The following CLVS2 variants were observed in gnomAD, a reference collection of about 807,000 sequenced individuals.
The protein encoded by CLVS2 is clavesin-2.
CLVS2 carries 19 observed loss-of-function variants against 29.0 expected under a neutral mutation model. That is an observed-to-expected ratio of 0.66 (90% CI 0.46 to 0.96). CLVS2 has a LOEUF of 0.96. Ranked by LOEUF, CLVS2 falls within the 40% of genes least tolerant of loss-of-function variation. The pLI, the probability that CLVS2 is intolerant of heterozygous loss-of-function variation, is 0.00. For synonymous variants in CLVS2, 161 were observed against 151.3 expected (o/e 1.06, Z -0.47); for missense variants, 294 against 404.1 (o/e 0.73, Z 2.34).
chr6:123,029,502 G>A (rs912482612), intron 3 of CLVS2, among the ~76,000 whole-genome samples: 1 of 152,202 alleles, frequency 6.6e-6, no homozygotes, highest in African/African-American at 2.4e-5. Context: ...TATACATGAT[G>A]CATTTGGGTA....
At chr6:123,062,197 G>T (rs1050099363) in intron 5 of CLVS2, among the ~76,000 whole-genome samples, 1 of 152,246 alleles carries the variant, frequency 6.6e-6, no homozygotes, top group Admixed American at 6.5e-5. Flanking sequence ...TCATCTGAGA[G>T]CCAATTTGCT....
chr6:123,034,397 AG>A (rs1173633444), intron 3 of CLVS2, among the ~76,000 whole-genome samples: 1 of 152,198 alleles, frequency 6.6e-6, no homozygotes, highest in Non-Finnish European at 1.5e-5. Context: ...CAAATAAAAA[AG>A]CTATTGATAC....
At chr6:123,029,283 A>T (rs1368094132) in intron 3 of CLVS2, among the ~76,000 whole-genome samples, 1 of 152,260 alleles carries the variant, frequency 6.6e-6, no homozygotes, top group African/African-American at 2.4e-5. Context: ...GTATCTCATT[A>T]AAAAGCTAAA....
intron 4 of CLVS2, among the ~76,000 whole-genome samples, chr6:123,054,613 ATG>A (rs758475634): frequency 7.2e-5 from 11 of 152,214 alleles, no homozygotes; most frequent in Non-Finnish European, 1.2e-4. Context: ...GCAAATATGA[ATG>A]TGTTAGCTTA....
intron 3 of CLVS2, among the ~76,000 whole-genome samples, chr6:123,037,581 C>T (rs922354933): frequency 2.6e-5 from 4 of 152,072 alleles, no homozygotes; most frequent in African/African-American, 9.7e-5. Flanking sequence ...CCTTATTCCA[C>T]TCATATCTCC....
intron 2 of CLVS2, among the ~76,000 whole-genome samples, chr6:123,002,139 C>T (rs1774597475): frequency 6.6e-6 from 1 of 152,134 alleles, no homozygotes; most frequent in Admixed American, 6.5e-5. Flanking sequence ...AGTTAATGGC[C>T]ATTCGAAAAC....
At chr6:123,063,284 T>A (rs1198165357) in intron 5 of CLVS2, among the ~76,000 whole-genome samples, 1 of 152,180 alleles carries the variant, frequency 6.6e-6, no homozygotes, top group African/African-American at 2.4e-5. Flanking sequence ...TTCTATTTAG[T>A]TTATCATAAT....
intron 3 of CLVS2, among the ~76,000 whole-genome samples, chr6:123,029,921 G>A (rs1775059211): frequency 1.3e-5 from 2 of 152,178 alleles, no homozygotes; most frequent in African/African-American, 2.4e-5. Flanking sequence ...CAAGAGCATG[G>A]TGTGACCAGT....
At chr6:123,009,787 T>G (rs1375395377) in intron 2 of CLVS2, among the ~76,000 whole-genome samples, 1 of 152,128 alleles carries the variant, frequency 6.6e-6, no homozygotes, top group Non-Finnish European at 1.5e-5. Context: ...AGTGCTGAGA[T>G]TTCTAGGGAT....
intron 1 of CLVS2, 148 bp downstream of exon 1, chr6:122,996,894 C>T (rs1774517461): frequency 2.0e-5 from 3 of 152,380 alleles, no homozygotes; most frequent in Admixed American, 6.5e-5. Context: ...CCTCCCTCCC[C>T]CTCCCCCCTT....
chr6:123,053,528 T>G (rs1772646351), intron 4 of CLVS2, among the ~76,000 whole-genome samples: 1 of 152,208 alleles, frequency 6.6e-6, no homozygotes, highest in Non-Finnish European at 1.5e-5. Flanking sequence ...AATTGGATAC[T>G]GAATTTAGCA....
intron 3 of CLVS2, among the ~76,000 whole-genome samples, chr6:123,020,291 C>A (rs539087338): frequency 6.6e-6 from 1 of 152,182 alleles, no homozygotes; most frequent in African/African-American, 2.4e-5. Flanking sequence ...AACCCAAGAT[C>A]TGAAATGTTT....
intron 3 of CLVS2, among the ~76,000 whole-genome samples, chr6:123,036,677 C>T (rs577772693): frequency 5.3e-5 from 8 of 152,316 alleles, no homozygotes; most frequent in South Asian, 4.1e-4. Context: ...TAGAGTTCCT[C>T]ATCAGCACTT....
Position 123,072,414 on chromosome 6 carries a change from C to T in CLVS2, c.*8653C>T, listed in dbSNP as rs190090960. ...AACCAATATAGATTATGTTTCTTGT[C>T]AGTTACACAAGGATAGGTAATCAGG... On this transcript the variant is annotated 3_prime_UTR_variant, in exon 6 of 6. Coordinates refer to ENST00000275162, the MANE Select transcript of CLVS2 (RefSeq NM_001010852.4). 1 of 152,124 alleles carries T rather than the reference C, an allele frequency of 6.6e-6. No homozygotes were observed. The highest frequency in any genetic ancestry group is 2.4e-5 in the African/African-American group (1 of 41,538). 9.4% of individuals were successfully genotyped at this position (152,124 alleles called of 1,614,324 possible). A position where few individuals can be genotyped will look rare whatever the true frequency, so the allele number is the denominator to read the frequency against.
In CLVS2 at chr6:123,063,837, G is replaced by A; in HGVS notation, c.*76G>A. On this transcript the variant is annotated 3_prime_UTR_variant, in exon 6 of 6. Coordinates refer to ENST00000275162, the MANE Select transcript of CLVS2 (RefSeq NM_001010852.4). Reference sequence around the variant, plus strand: ...CAGCAACAGGGACAACACTGTAGAGGAATTACCAGCTGGAAACCGACTTAT... The same window carrying A: ...CAGCAACAGGGACAACACTGTAGAGAAATTACCAGCTGGAAACCGACTTAT... The A allele has an allele frequency of 1.0e-6, 1 of 982,208 alleles. No individual in the cohort carries two copies. Among genetic ancestry groups the A allele is most frequent in the South Asian group, 1.4e-5 (1 of 71,332 alleles). 60.8% of individuals were successfully genotyped at this position (982,208 alleles called of 1,614,324 possible).
Position 123,056,023 on chromosome 6 carries a change from A to C in CLVS2, c.893A>C (p.Lys298Thr), listed in dbSNP as rs1225432974. The part of the protein sequence containing the change: ...VEKELSPKSM[K>T]RSQSVVDPTV... ...AAGGAACTCTCCCCAAAGTCCATGA[A>C]GAGGTATGCTGGAGGTAGACTGGGG... The change falls in exon 5 of 6, where the codon AAG (lysine) becomes ACG (threonine). Residue 298 changes from lysine to threonine, a missense_variant. Physicochemically the swap from Lys to Thr is moderately conservative, Grantham distance 78. This residue lies in a region of CLVS2 where 82 missense variants were observed against 67.8 expected (regional missense o/e 1.21). Coordinates refer to ENST00000275162, the MANE Select transcript of CLVS2 (RefSeq NM_001010852.4). 6.2e-7 allele frequency: 1 copy of C among 1,610,012 alleles called. No homozygotes were observed. Among genetic ancestry groups the C allele is most frequent in the Admixed American group, 1.7e-5 (1 of 59,680 alleles).
Position 123,063,936 on chromosome 6 carries a change from G to A in CLVS2, c.*175G>A, listed in dbSNP as rs944371976. ...CCTGAACCATGGGGGCCCTGGGCTGGATTTTTAAAATGTCAATAATTTATT... is the reference window on the plus strand; with the variant it reads ...CCTGAACCATGGGGGCCCTGGGCTGAATTTTTAAAATGTCAATAATTTATT... On this transcript the variant is annotated 3_prime_UTR_variant, in exon 6 of 6. Coordinates refer to ENST00000275162, the MANE Select transcript of CLVS2 (RefSeq NM_001010852.4). 2 of 450,512 alleles carry A rather than the reference G, an allele frequency of 4.4e-6. No homozygotes were observed. The highest frequency in any genetic ancestry group is 7.9e-6 in the Non-Finnish European group (2 of 252,736). The allele number at this position is 450,512 out of a possible 1,614,324, so 27.9% of individuals were successfully genotyped here. A position where few individuals can be genotyped will look rare whatever the true frequency, so the allele number is the denominator to read the frequency against.
chr6:122,997,854 C>G lies in CLVS2; in HGVS notation c.77C>G (p.Thr26Arg). 6.2e-7 allele frequency: 1 copy of G among 1,614,158 alleles called. No homozygotes were observed. The highest frequency in any genetic ancestry group is 8.5e-7 in the Non-Finnish European group (1 of 1,180,012). ...CTGGAGCTCAATGAAAACCCAGACACGCTGCACCAGGACATCCAGGAGGTG... is the reference window on the plus strand; with the variant it reads ...CTGGAGCTCAATGAAAACCCAGACAGGCTGCACCAGGACATCCAGGAGGTG... The part of the protein sequence containing the change: ...ARLELNENPD[T>R]LHQDIQEVRD... Residue 26 changes from threonine to arginine, a missense_variant, in exon 2 of 6, where the codon ACG (threonine) becomes AGG (arginine). This residue lies in a region of CLVS2 where 212 missense variants were observed against 336.4 expected (regional missense o/e 0.63). Coordinates refer to ENST00000275162, the MANE Select transcript of CLVS2 (RefSeq NM_001010852.4).
chr6:123,050,723 T>C (rs1772598306), intron 4 of CLVS2, among the ~76,000 whole-genome samples: 1 of 152,176 alleles, frequency 6.6e-6, no homozygotes, highest in South Asian at 2.1e-4. Context: ...CATATACCAT[T>C]GCTGGAATCT....
Sources: gnomAD v4.1 joint callset for allele counts (sites outside exome capture counted in the v4.1 genomes callset) on GRCh38, gnomAD v4.1.1 for gene constraint, gnomAD v4.1.1 regional missense constraint, MANE v1.5 for transcripts, NCBI Gene and HGNC (gene_info 2026-07-23, HGNC 2026-07-21) for gene names.